Variants in ART3 observed in about 807,000 individuals in gnomAD.
ART3 encodes ADP-ribosyltransferase 3 (inactive).
ART3 carries 49 observed loss-of-function variants against 48.5 expected under a neutral mutation model. The ratio of observed to expected loss-of-function variants is 1.01; its 90% CI spans 0.80 to 1.28. The LOEUF is 1.28. ART3 is among the 50% of genes most tolerant of loss of function. ART3 has a pLI of 0.00. For synonymous variants in ART3, 145 were observed against 157.2 expected (o/e 0.92, Z 0.58); for missense variants, 438 against 454.3 (o/e 0.96, Z 0.33).
chr4:76,081,781 G>A (rs61693363), intron 2 of ART3, 43 bp from the exon 3 acceptor site: 202,803 of 1,552,558 alleles, frequency 0.13, 14,767 homozygotes, highest in East Asian at 0.34. Context: ...GATATTCACT[G>A]AATTTCTTAT....
At chr4:76,022,406 T>G (rs532476354) in intron 1 of ART3, 1 of 1,613,678 alleles carries the variant, frequency 6.2e-7, no homozygotes, top group East Asian at 2.2e-5. Context: ...TTGATGGCCT[T>G]CGATTCTGGA....
chr4:76,036,784 GC>G, intron 1 of ART3: 1 of 251,834 alleles, frequency 4.0e-6, no homozygotes, highest in Non-Finnish European at 8.6e-6. Context: ...CCTCATGGCA[GC>G]CAGGACGTTG....
At chr4:76,046,672 A>G (rs1165480045) in intron 1 of ART3, among the ~76,000 whole-genome samples, 1 of 151,924 alleles carries the variant, frequency 6.6e-6, no homozygotes. Context: ...GGGGACAGCA[A>G]ATGGGTAACT....
intron 1 of ART3, among the ~76,000 whole-genome samples, chr4:76,012,708 A>G (rs1000175389): frequency 6.6e-6 from 1 of 152,210 alleles, no homozygotes; most frequent in Admixed American, 6.5e-5. Flanking sequence ...CTTTTGCAAA[A>G]TGTTGACAAT....
At chr4:76,036,314 C>A in intron 1 of ART3, 1 of 325,622 alleles carries the variant, frequency 3.1e-6, no homozygotes, top group South Asian at 1.0e-4. Context: ...CCTAGAAATC[C>A]ATTTAATTGT....
At chr4:76,075,076 C>T (rs952247810) in intron 1 of ART3, among the ~76,000 whole-genome samples, 3 of 152,176 alleles carry the variant, frequency 2.0e-5, no homozygotes, top group Non-Finnish European at 4.4e-5. Flanking sequence ...AAAGGGAAGA[C>T]TTCTCCCTTC....
intron 11 of ART3, among the ~76,000 whole-genome samples, chr4:76,110,960 A>G (rs1729366365): frequency 6.6e-6 from 1 of 152,198 alleles, no homozygotes; most frequent in South Asian, 2.1e-4. Context: ...GTATTTATCC[A>G]AATTTGTGCA....
chr4:76,035,902 T>C, intron 1 of ART3: 1 of 1,603,460 alleles, frequency 6.2e-7, no homozygotes, highest in Non-Finnish European at 8.5e-7. Context: ...AACTTATAGG[T>C]TGAGAAATAA....
intron 1 of ART3, among the ~76,000 whole-genome samples, chr4:76,051,705 A>T (rs1736107045): frequency 6.6e-6 from 1 of 151,752 alleles, no homozygotes; most frequent in African/African-American, 2.4e-5. Flanking sequence ...ACAGCCAGCT[A>T]ATGTTTTTGT....
intron 1 of ART3, among the ~76,000 whole-genome samples, chr4:76,030,345 C>T (rs574606466): frequency 2.0e-5 from 3 of 152,312 alleles, no homozygotes; most frequent in African/African-American, 4.8e-5. Flanking sequence ...CGTGAGCCAC[C>T]GTGTCTGGCC....
At chr4:76,071,517 T>A (rs1458046003), upstream of ART3, among the ~76,000 whole-genome samples, 2 of 152,192 alleles carry the variant, frequency 1.3e-5, no homozygotes, top group African/African-American at 4.8e-5. Context: ...CTCCAATTCC[T>A]CTTTTCATTC....
intron 1 of ART3, among the ~76,000 whole-genome samples, chr4:76,040,534 T>C (rs56961181): frequency 0.48 from 45,683 of 94,420 alleles, 10,015 homozygotes; most frequent in East Asian, 0.68. Context: ...CCCCGCCCCC[T>C]CCATGTGTCA....
chr4:76,035,256 T>G, intron 1 of ART3: 1 of 1,614,148 alleles, frequency 6.2e-7, no homozygotes. Context: ...GGGTACATTA[T>G]GGAGGCTTTC....
At chr4:76,105,806 G>C in intron 10 of ART3, 1 of 985,410 alleles carries the variant, frequency 1.0e-6, no homozygotes, top group East Asian at 1.1e-4. Flanking sequence ...TTGGCTTCCA[G>C]CTGGGCCTGT....
chr4:76,020,870 TA>T (rs563494575), intron 1 of ART3, among the ~76,000 whole-genome samples: 24 of 148,308 alleles, frequency 1.6e-4, no homozygotes, highest in South Asian at 4.3e-4. Context: ...AATAAGAGAT[TA>T]AAAAAAAAAG....
At chr4:76,089,086 A>T (rs1724250939) in intron 3 of ART3, among the ~76,000 whole-genome samples, 1 of 152,242 alleles carries the variant, frequency 6.6e-6, no homozygotes, top group African/African-American at 2.4e-5. Context: ...CATACTTTTT[A>T]AAAGTACTAT....
chr4:76,032,581 C>CTTTTTT (rs10547155), intron 1 of ART3, among the ~76,000 whole-genome samples: 1 of 114,596 alleles, frequency 8.7e-6, no homozygotes, highest in Non-Finnish European at 1.7e-5. Context: ...AGATTCAAGT[C>CTTTTTT]TTTTTTTTTT....
chr4:76,104,366 T>C, intron 9 of ART3: 1 of 985,326 alleles, frequency 1.0e-6, no homozygotes, highest in Non-Finnish European at 1.2e-6. Flanking sequence ...AACACGATAT[T>C]CTCCTGGCAT....
Position 76,097,608 on chromosome 4 carries a change from A to G in ART3, c.782-36A>G, listed in dbSNP as rs1242517350. The G allele has an allele frequency of 3.2e-6, 5 of 1,549,096 alleles. No homozygotes were observed. In the South Asian group the frequency reaches 3.4e-5, roughly 10 times the overall value. ...ATTGAAATATTTACTAGGGTATATT[A>G]TGTCTAACTAATAAAGCTTTATCTT... On this transcript the variant is annotated intron_variant, in intron 3 of 11. Transcript: ENST00000355810.
Sources: gnomAD v4.1 joint callset for allele counts (sites outside exome capture counted in the v4.1 genomes callset) on GRCh38, gnomAD v4.1.1 for gene constraint, MANE v1.5 for transcripts, NCBI Gene and HGNC (gene_info 2026-07-23, HGNC 2026-07-21) for gene names.